GRID2: variants seen among roughly 807,000 people sequenced by gnomAD.
GRID2 encodes glutamate receptor ionotropic, delta-2.
A neutral mutation model predicts 114.8 loss-of-function variants in GRID2; 33 were observed. That is an observed-to-expected ratio of 0.29 (90% CI 0.22 to 0.38). The LOEUF (loss-of-function observed/expected upper bound fraction) is 0.38, where lower values mean the gene tolerates loss of function less well. Among genes scored for constraint, GRID2 ranks in the 10% least tolerant of loss-of-function variants. The pLI is 1.00. For missense variants in GRID2, 1,184 were observed against 1,257.7 expected (o/e 0.94, Z 0.89); for synonymous variants, 505 against 449.9 (o/e 1.12, Z -1.55).
chr4:93,144,930 A>G (rs1162511818), intron 4 of GRID2, among the ~76,000 whole-genome samples: 1 of 152,122 alleles, frequency 6.6e-6, no homozygotes, highest in Non-Finnish European at 1.5e-5. Flanking sequence ...TTTGTGGATG[A>G]GCCTTAAAAT....
At chr4:92,390,008 G>T (rs1346385530) in intron 1 of GRID2, among the ~76,000 whole-genome samples, 1 of 152,010 alleles carries the variant, frequency 6.6e-6, no homozygotes, top group African/African-American at 2.4e-5. Flanking sequence ...TTAGGTAGAG[G>T]TTAGCAAATC....
At chr4:93,778,701 T>C (rs1734421101), downstream of GRID2, among the ~76,000 whole-genome samples, 1 of 152,182 alleles carries the variant, frequency 6.6e-6, no homozygotes, top group Non-Finnish European at 1.5e-5. Flanking sequence ...CCCAGTCTTA[T>C]ATCATTTGAC....
intron 11 of GRID2, among the ~76,000 whole-genome samples, chr4:93,485,509 C>T (rs1327000706): frequency 6.6e-6 from 1 of 151,350 alleles, no homozygotes; most frequent in African/African-American, 2.4e-5. Flanking sequence ...TATTGTTTAC[C>T]TTTTATATTT....
chr4:93,399,099 T>C (rs1765637950), intron 9 of GRID2, among the ~76,000 whole-genome samples: 1 of 152,008 alleles, frequency 6.6e-6, no homozygotes, highest in Admixed American at 6.6e-5. Flanking sequence ...ATACTCAACT[T>C]GATGTTGTCA....
rs376187608 is a variant in GRID2, at chr4:92,544,323, T to C, written c.89-45808T>C. ...AATCATCATTTTATAAAAATCTCTT[T>C]ACTGAGGGAAATGGCTTTTATGCTG... On this transcript the variant is annotated intron_variant, in intron 1 of 15. Transcript: ENST00000282020. Among the ~76,000 whole-genome samples, 23 of 152,282 alleles carry C rather than the reference T, an allele frequency of 1.5e-4. 1 individual carries two copies. The highest frequency in any genetic ancestry group is 1.5e-3 in the South Asian group (7 of 4,822).
chr4:92,969,092 C>A (rs1236226504), intron 2 of GRID2, among the ~76,000 whole-genome samples: 1 of 151,620 alleles, frequency 6.6e-6, no homozygotes, highest in African/African-American at 2.4e-5. Context: ...AAGTCACTTA[C>A]ATTTACCTTT....
intron 3 of GRID2, among the ~76,000 whole-genome samples, chr4:93,101,711 C>T (rs1010348000): frequency 1.3e-5 from 2 of 151,854 alleles, no homozygotes; most frequent in African/African-American, 2.4e-5. Context: ...CATTATTTTA[C>T]GTGATTTAAT....
chr4:92,508,913 G>T (rs1450627538), intron 1 of GRID2, among the ~76,000 whole-genome samples: 3 of 151,856 alleles, frequency 2.0e-5, no homozygotes, highest in Non-Finnish European at 2.9e-5. Context: ...TTGAGCAGTA[G>T]TTAGATCCAG....
intron 8 of GRID2, among the ~76,000 whole-genome samples, chr4:93,366,008 C>A (rs1762299157): frequency 6.6e-6 from 1 of 152,134 alleles, no homozygotes; most frequent in Non-Finnish European, 1.5e-5. Flanking sequence ...TTACTTTAAT[C>A]TCTTAATCCT....
chr4:93,331,157 A>G (rs962165979), intron 8 of GRID2, among the ~76,000 whole-genome samples: 1 of 124,214 alleles, frequency 8.1e-6, no homozygotes, highest in African/African-American at 3.1e-5. Context: ...TTATCTCTCC[A>G]GTATTATATC....
chr4:92,590,033 A>G (rs1728633123), intron 1 of GRID2, 98 bp from the exon 2 acceptor site: 5 of 770,276 alleles, frequency 6.5e-6, no homozygotes, highest in East Asian at 2.5e-5. Flanking sequence ...AAGTGAAAGT[A>G]TATGTTTTTT....
chr4:92,766,036 A>G (rs1738248091), intron 2 of GRID2, among the ~76,000 whole-genome samples: 2 of 151,634 alleles, frequency 1.3e-5, no homozygotes, highest in African/African-American at 4.9e-5. Flanking sequence ...ATTCTCTCTC[A>G]CTGAAAGCTT....
At chr4:92,638,441 TTAAA>T (rs1406066066) in intron 2 of GRID2, among the ~76,000 whole-genome samples, 2 of 147,480 alleles carry the variant, frequency 1.4e-5, no homozygotes, top group African/African-American at 2.5e-5. Flanking sequence ...ATATAAAATA[TTAAA>T]TAATATATAA....
chr4:92,992,500 T>A (rs1395859954), intron 2 of GRID2, among the ~76,000 whole-genome samples: 1 of 152,206 alleles, frequency 6.6e-6, no homozygotes, highest in African/African-American at 2.4e-5. Flanking sequence ...GGGTATTATC[T>A]TTATAAAATG....
chr4:93,274,876 C>A (rs1285472788), intron 8 of GRID2, among the ~76,000 whole-genome samples: 1 of 151,978 alleles, frequency 6.6e-6, no homozygotes, highest in Admixed American at 6.6e-5. Flanking sequence ...CTTCCTGAAG[C>A]AAGTTCATAT....
intron 1 of GRID2, among the ~76,000 whole-genome samples, chr4:92,358,694 C>T (rs1728463624): frequency 6.6e-6 from 1 of 151,808 alleles, no homozygotes; most frequent in Admixed American, 6.6e-5. Flanking sequence ...CTACTACTAA[C>T]TTATTACCAA....
chr4:93,657,648 A>C (rs188490324), intron 14 of GRID2, among the ~76,000 whole-genome samples: 4 of 152,250 alleles, frequency 2.6e-5, no homozygotes, highest in Admixed American at 2.0e-4. Flanking sequence ...GAAAAAAAAA[A>C]CAAAAAACTG....
At chr4:92,946,183 A>G (rs1751616648) in intron 2 of GRID2, among the ~76,000 whole-genome samples, 2 of 152,124 alleles carry the variant, frequency 1.3e-5, no homozygotes, top group East Asian at 1.9e-4. Flanking sequence ...GGATATGCGA[A>G]TGGATTCCAT....
chr4:92,702,542 T>C (rs1390671717), intron 2 of GRID2: 1 of 152,102 alleles, frequency 6.6e-6, no homozygotes, highest in Admixed American at 6.6e-5. Flanking sequence ...CATCATCTAC[T>C]GTTACCCTTT....
Sources: gnomAD v4.1 joint callset for allele counts (sites outside exome capture counted in the v4.1 genomes callset) on GRCh38, gnomAD v4.1.1 for gene constraint, MANE v1.5 for transcripts, NCBI Gene and HGNC (gene_info 2026-07-23, HGNC 2026-07-21) for gene names.